The following OXR1 variants were observed in gnomAD, a reference collection of about 807,000 sequenced individuals.
OXR1 encodes the protein oxidation resistance 1, also known as oxidation resistance protein 1.
Under a neutral mutation model 104.6 loss-of-function variants are expected in OXR1, and 41 were observed. The ratio of observed to expected loss-of-function variants is 0.39; its 90% confidence interval spans 0.31 to 0.51. OXR1 has a LOEUF of 0.51. OXR1 is among the 20% of genes least tolerant of loss of function. OXR1 has a pLI of 0.77. For missense variants in OXR1, 955 were observed against 1,031.9 expected (o/e 0.93, Z 1.02); for synonymous variants, 348 against 348.4 (o/e 1.00, Z 0.01).
intron 3 of OXR1, among the ~76,000 whole-genome samples, chr8:106,634,570 C>T (rs547748931): frequency 2.3e-4 from 35 of 151,892 alleles, no homozygotes; most frequent in Non-Finnish European, 8.8e-5. Context: ...ACTGTAGAGC[C>T]CTCTTTTTAA....
intron 2 of OXR1, among the ~76,000 whole-genome samples, chr8:106,400,294 T>C (rs1255450856): frequency 6.6e-6 from 1 of 152,182 alleles, no homozygotes; most frequent in Non-Finnish European, 1.5e-5. Context: ...GAGTATTCTT[T>C]ATATCACCAC....
intron 3 of OXR1, among the ~76,000 whole-genome samples, chr8:106,657,306 C>CTAATGTTTATGTTATGTTTATG (rs1825182834): frequency 8.0e-6 from 1 of 125,204 alleles, no homozygotes; most frequent in African/African-American, 3.6e-5. Context: ...GTATCTCCGC[C>CTAATGTTTATGTTATGTTTATG]GTCCTTAAAC....
chr8:106,723,258 G>A (rs1035270349), intron 11 of OXR1, among the ~76,000 whole-genome samples: 9 of 152,050 alleles, frequency 5.9e-5, no homozygotes, highest in African/African-American at 1.7e-4. Context: ...TTGGGAGGCC[G>A]AGGCAGGTGG....
intron 2 of OXR1, among the ~76,000 whole-genome samples, chr8:106,439,678 A>G (rs1000048279): frequency 2.6e-5 from 4 of 152,044 alleles, no homozygotes; most frequent in Non-Finnish European, 5.9e-5. Context: ...ACATACAAAC[A>G]TTGTGGATTT....
At chr8:106,658,560 C>T (rs1039387264) in intron 3 of OXR1, among the ~76,000 whole-genome samples, 4 of 152,300 alleles carry the variant, frequency 2.6e-5, no homozygotes, top group South Asian at 2.1e-4. Context: ...TCTTGAAGAG[C>T]GCTGTGCCTG....
intron 6 of OXR1, among the ~76,000 whole-genome samples, chr8:106,690,609 CATT>C (rs1829185211): frequency 6.8e-6 from 1 of 147,756 alleles, no homozygotes; most frequent in Admixed American, 6.8e-5. Flanking sequence ...CAGATGGAAA[CATT>C]ATTTCCATAA....
At chr8:106,682,981 T>C (rs548991334) in intron 4 of OXR1, among the ~76,000 whole-genome samples, 7 of 152,198 alleles carry the variant, frequency 4.6e-5, no homozygotes, top group Non-Finnish European at 7.4e-5. Flanking sequence ...GAGACCTACA[T>C]GTAAATGTAT....
At position 106,423,118 on chromosome 8, in the gene OXR1, A is replaced by C. The variant is rs140177437; in HGVS notation, c.23+63482A>C. ...CCTTCTCATTGTGATTTGCTCCCAT[A>C]ATGAATACACAGACTGGCCTCAGGG... On this transcript the variant is annotated intron_variant, in intron 2 of 16. Transcript: ENST00000517566. Among the ~76,000 whole-genome samples, 621 of 152,282 alleles carry C rather than the reference A, an allele frequency of 4.1e-3. 3 individuals are homozygous for C. Among genetic ancestry groups the C allele is most frequent in the African/African-American group, 0.014 (589 of 41,564 alleles).
At chr8:106,479,075 A>T (rs1276484051) in intron 2 of OXR1, among the ~76,000 whole-genome samples, 1 of 152,004 alleles carries the variant, frequency 6.6e-6, no homozygotes, top group African/African-American at 2.4e-5. Flanking sequence ...CAGAGGAGAA[A>T]AAGTGTGACT....
At chr8:106,634,038 G>A (rs1375326879) in intron 3 of OXR1, among the ~76,000 whole-genome samples, 3 of 152,028 alleles carry the variant, frequency 2.0e-5, no homozygotes, top group South Asian at 2.1e-4. Flanking sequence ...ATCCACCTTA[G>A]GATGATTTTG....
intron 3 of OXR1, among the ~76,000 whole-genome samples, chr8:106,615,646 CT>C (rs1272463832): frequency 6.7e-6 from 1 of 149,958 alleles, no homozygotes; most frequent in Non-Finnish European, 1.5e-5. Context: ...CCAATTCATT[CT>C]TGCTTTCTAC....
At chr8:106,542,490 C>G (rs189188331) in intron 3 of OXR1, among the ~76,000 whole-genome samples, 32 of 152,244 alleles carry the variant, frequency 2.1e-4, no homozygotes, top group Admixed American at 1.9e-3. Context: ...ATGTGTTTTA[C>G]TTCCCAATCC....
At chr8:106,563,415 G>C (rs1054346256) in intron 3 of OXR1, among the ~76,000 whole-genome samples, 1 of 152,052 alleles carries the variant, frequency 6.6e-6, no homozygotes. Context: ...AATGATAAAG[G>C]TATCAATGCA....
At chr8:106,704,242 A>G (rs1830882776) in intron 8 of OXR1, among the ~76,000 whole-genome samples, 1 of 152,178 alleles carries the variant, frequency 6.6e-6, no homozygotes, top group Non-Finnish European at 1.5e-5. Flanking sequence ...TGGGAGGTGG[A>G]TAATGGGATG....
chr8:106,367,064 CTTT>C (rs10706704), intron 2 of OXR1, among the ~76,000 whole-genome samples: 26 of 108,178 alleles, frequency 2.4e-4, no homozygotes, highest in Non-Finnish European at 2.8e-4. Context: ...TTATGTTTCC[CTTT>C]TTTTTTTTTT....
At chr8:106,424,890 A>T (rs1477522821) in intron 2 of OXR1, among the ~76,000 whole-genome samples, 1 of 151,734 alleles carries the variant, frequency 6.6e-6, no homozygotes, top group Non-Finnish European at 1.5e-5. Flanking sequence ...TTGTATTCAC[A>T]TTTCTTCCTT....
Position 106,750,854 on chromosome 8 carries a change from C to T in OXR1, c.2535C>T (p.Ser845=), listed in dbSNP as rs1835842761. 1.2e-6 allele frequency: 2 copies of T among 1,608,920 alleles called. No homozygotes were observed. Among genetic ancestry groups the T allele is most frequent in the East Asian group, 2.2e-5 (1 of 44,742 alleles). The part of the protein sequence containing the change: ...WLDGDLYHGR[S]HSCKTFGNRT... Reference sequence around the variant, plus strand: ...ATGGAGATCTCTACCATGGAAGAAGCCATTCTTGTAAAACGTTTGGGAATC... The same window carrying T: ...ATGGAGATCTCTACCATGGAAGAAGTCATTCTTGTAAAACGTTTGGGAATC... The change falls in exon 17 of 17, where the codon AGC becomes AGT. Residue 845 remains serine, a synonymous_variant. Coordinates refer to ENST00000517566, the MANE Select transcript of OXR1 (RefSeq NM_001198533.2).
intron 7 of OXR1, among the ~76,000 whole-genome samples, chr8:106,693,578 C>T (rs759042907): frequency 4.0e-5 from 6 of 151,780 alleles, no homozygotes; most frequent in East Asian, 1.9e-4. Flanking sequence ...TATAGGCACT[C>T]GCCACCACAT....
intron 2 of OXR1, among the ~76,000 whole-genome samples, chr8:106,390,514 A>G (rs1817551152): frequency 6.6e-6 from 1 of 152,214 alleles, no homozygotes; most frequent in Admixed American, 6.5e-5. Context: ...GGAAACTGAG[A>G]TACAGAGAGG....
Sources: allele counts gnomAD v4.1 joint callset (sites outside exome capture counted in the v4.1 genomes callset), GRCh38; gene constraint gnomAD v4.1.1; transcripts MANE v1.5; gene names NCBI Gene and HGNC (gene_info 2026-07-23, HGNC 2026-07-21).